SDK1: variants seen among roughly 807,000 people sequenced by gnomAD.
The protein encoded by SDK1 is sidekick cell adhesion molecule 1, also known as protein sidekick-1.
In SDK1, 157 loss-of-function variants were observed where a neutral mutation model predicts 245.5. That is an observed-to-expected ratio of 0.64 (90% CI 0.56 to 0.73). The LOEUF is 0.73. SDK1 is among the 30% of genes least tolerant of loss of function. The pLI, the probability that SDK1 is intolerant of heterozygous loss-of-function variation, is 0.00. For missense variants in SDK1, 3,583 were observed against 3,002.3 expected (o/e 1.19, Z -4.52); for synonymous variants, 1,647 against 1,278.5 (o/e 1.29, Z -6.15).
intron 1 of SDK1, among the ~76,000 whole-genome samples, chr7:3,479,135 C>G (rs1024599201): frequency 6.6e-6 from 1 of 152,074 alleles, no homozygotes; most frequent in African/African-American, 2.4e-5. Context: ...ATCTATTGTT[C>G]AGGCTGGGTG....
chr7:4,147,749 C>G (rs1780074944), intron 29 of SDK1, among the ~76,000 whole-genome samples: 1 of 152,220 alleles, frequency 6.6e-6, no homozygotes, highest in Non-Finnish European at 1.5e-5. Flanking sequence ...TGCTGCCACC[C>G]TGGGTATCAG....
At chr7:3,339,857 GAGC>G (rs1780299671) in intron 1 of SDK1, among the ~76,000 whole-genome samples, 1 of 151,900 alleles carries the variant, frequency 6.6e-6, no homozygotes, top group Non-Finnish European at 1.5e-5. Context: ...GCAGAACGAA[GAGC>G]AGAAGTCAGT....
At chr7:4,237,905 C>T in intron 42 of SDK1, 121 bp downstream of exon 42, 1 of 1,212,690 alleles carries the variant, frequency 8.2e-7, no homozygotes, top group Non-Finnish European at 1.2e-6. Flanking sequence ...CTTGTAGGTG[C>T]TGAGAGAAAT....
chr7:4,099,495 T>C (rs1246501323), intron 22 of SDK1, among the ~76,000 whole-genome samples: 1 of 112,434 alleles, frequency 8.9e-6, no homozygotes, highest in Non-Finnish European at 1.8e-5. Flanking sequence ...CTGGGGGCTG[T>C]TCCTGCTGTC....
chr7:3,368,594 A>G (rs575850502), intron 1 of SDK1, among the ~76,000 whole-genome samples: 1 of 152,306 alleles, frequency 6.6e-6, no homozygotes, highest in African/African-American at 2.4e-5. Context: ...ACAGTAACAG[A>G]GGAGACCCAC....
intron 1 of SDK1, among the ~76,000 whole-genome samples, chr7:3,403,507 C>G (rs6945914): frequency 6.6e-6 from 1 of 151,258 alleles, no homozygotes; most frequent in Non-Finnish European, 1.5e-5. Flanking sequence ...TTGTTCTAAC[C>G]GAAAGAGGGA....
chr7:3,908,718 T>G (rs1041222699), intron 5 of SDK1, among the ~76,000 whole-genome samples: 3 of 152,172 alleles, frequency 2.0e-5, no homozygotes, highest in Non-Finnish European at 4.4e-5. Context: ...GAAATCATCT[T>G]CTTTTGTAAG....
chr7:3,354,863 G>A (rs982115046), intron 1 of SDK1, among the ~76,000 whole-genome samples: 8 of 152,196 alleles, frequency 5.3e-5, no homozygotes, highest in African/African-American at 1.9e-4. Context: ...GACTTAAAGT[G>A]TACGTACTTG....
At chr7:3,969,207 C>T (rs1782298815) in intron 10 of SDK1, 50 bp from the exon 11 acceptor site, 1 of 1,456,910 alleles carries the variant, frequency 6.9e-7, no homozygotes, top group African/African-American at 1.4e-5. Context: ...ATCTTCATTT[C>T]CTTCAAGCGT....
chr7:3,538,981 A>G (rs1381406508), intron 1 of SDK1, among the ~76,000 whole-genome samples: 1 of 152,214 alleles, frequency 6.6e-6, no homozygotes, highest in African/African-American at 2.4e-5. Flanking sequence ...CCAAACTGGC[A>G]TGTCTCTTCA....
intron 13 of SDK1, among the ~76,000 whole-genome samples, chr7:3,982,388 A>G (rs920979406): frequency 1.3e-5 from 2 of 152,226 alleles, no homozygotes; most frequent in Admixed American, 6.5e-5. Flanking sequence ...TCCGTTCTGC[A>G]GACTGTGGAT....
chr7:3,827,519 A>T (rs1779806771), intron 5 of SDK1, among the ~76,000 whole-genome samples: 1 of 152,240 alleles, frequency 6.6e-6, no homozygotes, highest in Non-Finnish European at 1.5e-5. Flanking sequence ...TAACTGAGAG[A>T]TAAATGATTT....
chr7:3,839,660 A>C (rs1312892132), intron 5 of SDK1, among the ~76,000 whole-genome samples: 1 of 152,230 alleles, frequency 6.6e-6, no homozygotes, highest in Non-Finnish European at 1.5e-5. Flanking sequence ...TATATGAACT[A>C]ATTAAAAAAA....
At chr7:3,491,203 C>T (rs1267105067) in intron 1 of SDK1, among the ~76,000 whole-genome samples, 1 of 152,190 alleles carries the variant, frequency 6.6e-6, no homozygotes, top group Non-Finnish European at 1.5e-5. Context: ...AGTTAGGTGC[C>T]CTCTAGGGTG....
At chr7:3,447,168 A>C (rs1780365330) in intron 1 of SDK1, among the ~76,000 whole-genome samples, 1 of 152,230 alleles carries the variant, frequency 6.6e-6, no homozygotes, top group Non-Finnish European at 1.5e-5. Context: ...TATATGTCTT[A>C]GTATATTAGA....
intron 5 of SDK1, among the ~76,000 whole-genome samples, chr7:3,904,624 A>G (rs1781899596): frequency 6.6e-6 from 1 of 152,138 alleles, no homozygotes; most frequent in Admixed American, 6.5e-5. Context: ...AGCCCGGAAG[A>G]TCAAGGCTGC....
intron 35 of SDK1, among the ~76,000 whole-genome samples, chr7:4,188,103 G>T (rs1470691421): frequency 6.6e-6 from 1 of 152,156 alleles, no homozygotes; most frequent in Non-Finnish European, 1.5e-5. Context: ...CTCTCGCTGG[G>T]CCTCTTCCGC....
chr7:3,426,395 C>A (rs537882821), intron 1 of SDK1, among the ~76,000 whole-genome samples: 1 of 152,248 alleles, frequency 6.6e-6, no homozygotes, highest in South Asian at 2.1e-4. Context: ...GACAGGCTGG[C>A]CTTGTTCTAG....
At chr7:3,473,598 A>T (rs1781249813) in intron 1 of SDK1, among the ~76,000 whole-genome samples, 1 of 152,206 alleles carries the variant, frequency 6.6e-6, no homozygotes, top group Admixed American at 6.5e-5. Flanking sequence ...AGGCCTTTTA[A>T]ATCTACTCCT....
Sources: allele counts gnomAD v4.1 joint callset (sites outside exome capture counted in the v4.1 genomes callset), GRCh38; gene constraint gnomAD v4.1.1; transcripts MANE v1.5; gene names NCBI Gene and HGNC (gene_info 2026-07-23, HGNC 2026-07-21).